The following KAZN variants were observed in gnomAD, a reference collection of about 807,000 sequenced individuals.
KAZN encodes the protein kazrin.
In KAZN, 40 loss-of-function variants were observed where a neutral mutation model predicts 87.4. The ratio of observed to expected loss-of-function variants is 0.46; its 90% CI spans 0.36 to 0.60. The LOEUF is 0.60. Among genes scored for constraint, KAZN ranks in the 20% least tolerant of loss-of-function variants. The probability of loss-of-function intolerance (pLI) is 0.00; values close to 1 mark genes in which losing one functional copy is unlikely to be tolerated. For missense variants in KAZN, 898 were observed against 1,073.9 expected (o/e 0.84, Z 2.29); for synonymous variants, 466 against 458.3 (o/e 1.02, Z -0.22).
Position 14,168,982 on chromosome 1 carries a change from G to A in KAZN, c.92-11453G>A, listed in dbSNP as rs548104754. On this transcript the variant is annotated intron_variant, in intron 1 of 16. Coordinates refer to the KAZN transcript ENST00000636203. The stretch of plus-strand genomic sequence containing the variant: ...CATCACCTCCCTCTGAGCAAGGCAT[G>A]GAAAATATTAACCTAAGTAAATAGC... 3.3e-5 allele frequency among the ~76,000 whole-genome samples: 5 copies of A among 152,258 alleles called. No individual in the cohort carries two copies. In the South Asian group the frequency reaches 6.2e-4, roughly 19 times the overall value.
chr1:14,076,419 G>A (rs1643464318), intron 1 of KAZN, among the ~76,000 whole-genome samples: 1 of 152,174 alleles, frequency 6.6e-6, no homozygotes, highest in Non-Finnish European at 1.5e-5. Context: ...CCAGAAGCTG[G>A]GGGAGAGGCA....
rs762423381 is a variant in KAZN at position 15,101,779 on chromosome 1, G to A, written c.1779+5G>A. The A allele has an allele frequency of 5.8e-6, 9 of 1,563,762 alleles. No individual in the cohort carries two copies. Among genetic ancestry groups the A allele is most frequent in the Non-Finnish European group, 7.8e-6 (9 of 1,153,236 alleles). ...CAAGTGAACTTCAGCAGGGAGGTGA[G>A]GACCAGGGCACAGGGTGGGGGCACC... On this transcript the variant is annotated splice_donor_5th_base_variant and intron_variant, in intron 11 of 14. Transcript: ENST00000376030.
At chr1:14,013,733 G>T (rs10927994) in intron 1 of KAZN, among the ~76,000 whole-genome samples, 75,042 of 152,008 alleles carry the variant, frequency 0.49, 19,126 homozygotes, top group Admixed American at 0.62. Context: ...TGGTTTAAAT[G>T]GAAGCATTCC....
At chr1:13,931,493 T>C (rs1640511828) in intron 1 of KAZN, among the ~76,000 whole-genome samples, 1 of 152,062 alleles carries the variant, frequency 6.6e-6, no homozygotes, top group Non-Finnish European at 1.5e-5. Context: ...CATGCATGTG[T>C]GTGTGCATAG....
chr1:14,809,402 G>A (rs544193796), intron 1 of KAZN, among the ~76,000 whole-genome samples: 11 of 152,292 alleles, frequency 7.2e-5, no homozygotes, highest in East Asian at 5.8e-4. Flanking sequence ...CTCCCTCACC[G>A]TCAGGCTGCC....
intron 2 of KAZN, among the ~76,000 whole-genome samples, chr1:14,290,301 CT>C (rs892265687): frequency 6.6e-6 from 1 of 152,204 alleles, no homozygotes; most frequent in African/African-American, 2.4e-5. Flanking sequence ...CTCCCCGTCA[CT>C]TTTAGGTACA....
chr1:13,951,302 C>G (rs1484959454), intron 1 of KAZN, among the ~76,000 whole-genome samples: 2 of 152,058 alleles, frequency 1.3e-5, no homozygotes, highest in Non-Finnish European at 2.9e-5. Flanking sequence ...CTGGATCTAC[C>G]ACTTCACAGC....
chr1:13,993,331 C>G lies in KAZN; in HGVS notation c.91+99575C>G, dbSNP rs74740702. Reference sequence around the variant, plus strand: ...AGTCCTAGGCTGATTGATACATATACAGTCAGTTAAAGGAGTTTACCAGGT... The same window carrying G: ...AGTCCTAGGCTGATTGATACATATAGAGTCAGTTAAAGGAGTTTACCAGGT... On this transcript the variant is annotated intron_variant, in intron 1 of 16. Transcript: ENST00000636203. Among the ~76,000 whole-genome samples the G allele has an allele frequency of 3.8e-3, 581 of 152,108 alleles. 3 individuals carry two copies. Among genetic ancestry groups the G allele is most frequent in the African/African-American group, 0.014 (562 of 41,480 alleles).
At chr1:14,104,097 T>C (rs1644318326) in intron 1 of KAZN, among the ~76,000 whole-genome samples, 1 of 152,092 alleles carries the variant, frequency 6.6e-6, no homozygotes, top group Non-Finnish European at 1.5e-5. Context: ...GAAGGTGGGT[T>C]CTCCTTGTCT....
At chr1:14,408,624 C>A (rs1664059376) in intron 2 of KAZN, among the ~76,000 whole-genome samples, 1 of 152,152 alleles carries the variant, frequency 6.6e-6, no homozygotes, top group Non-Finnish European at 1.5e-5. Context: ...TCTGGCTAAC[C>A]TTCTTATAAG....
chr1:14,528,050 T>C (rs935375702), intron 2 of KAZN, among the ~76,000 whole-genome samples: 2 of 150,126 alleles, frequency 1.3e-5, no homozygotes, highest in East Asian at 2.0e-4. Context: ...TATCTATCTA[T>C]GTACCTACCT....
chr1:15,087,285 A>AGTT (rs1234914936), intron 8 of KAZN, among the ~76,000 whole-genome samples: 1 of 152,220 alleles, frequency 6.6e-6, no homozygotes, highest in African/African-American at 2.4e-5. Context: ...TGGTATACCC[A>AGTT]AAATATGATC....
At chr1:14,087,519 T>C (rs1643883042) in intron 1 of KAZN, among the ~76,000 whole-genome samples, 1 of 152,166 alleles carries the variant, frequency 6.6e-6, no homozygotes, top group African/African-American at 2.4e-5. Flanking sequence ...GCAGTGAACA[T>C]CTTCACCTTG....
chr1:14,952,240 C>T (rs1662573421), intron 1 of KAZN, among the ~76,000 whole-genome samples: 1 of 143,916 alleles, frequency 6.9e-6, no homozygotes, highest in Non-Finnish European at 1.5e-5. Context: ...TTCTTTCCCA[C>T]TGTGTGTGTG....
rs555500962 is a variant in KAZN at position 14,949,973 on chromosome 1, G to A, written c.227-10711G>A. On this transcript the variant is annotated intron_variant, in intron 1 of 14. Coordinates refer to ENST00000376030, the MANE Select transcript of KAZN (RefSeq NM_201628.3). The surrounding 1 kb of genome is among the most constrained non-coding windows in gnomAD (Gnocchi z 4.3). Reference sequence around the variant, plus strand: ...GTGTTTACAGGCCAGCGGCTTCACCGGAAGAGCCTCTGCACGGAAGACGGT... The same window carrying A: ...GTGTTTACAGGCCAGCGGCTTCACCAGAAGAGCCTCTGCACGGAAGACGGT... Among the ~76,000 whole-genome samples, 5 of 152,168 alleles carry A rather than the reference G, an allele frequency of 3.3e-5. No individual in the cohort carries two copies. The East Asian group carries it at 7.8e-4, about 24-fold the overall frequency.
chr1:14,303,913 C>T (rs1209159270), intron 2 of KAZN, among the ~76,000 whole-genome samples: 1 of 152,164 alleles, frequency 6.6e-6, no homozygotes, highest in Non-Finnish European at 1.5e-5. Flanking sequence ...TCATTCTCTC[C>T]AGTGCGTCAT....
At chr1:14,335,189 G>GCAT (rs1158585063) in intron 2 of KAZN, among the ~76,000 whole-genome samples, 1 of 149,354 alleles carries the variant, frequency 6.7e-6, no homozygotes, top group Non-Finnish European at 1.5e-5. Flanking sequence ...AAGGAGGCCG[G>GCAT]CATGTCCTCC....
In KAZN at chr1:14,716,716, T is replaced by C. The variant is rs571084691; in HGVS notation, c.226+117493T>C. 2.6e-5 allele frequency among the ~76,000 whole-genome samples: 4 copies of C among 152,308 alleles called. No individual in the cohort carries two copies. In the South Asian group the frequency reaches 8.3e-4, roughly 32 times the overall value. On this transcript the variant is annotated intron_variant, in intron 1 of 14. Transcript: ENST00000376030. ...AGCCGTCCTTTCCTGTGTTCCCTGC[T>C]GTCCCTAGTTAACCTACATCCTCCC...
chr1:14,048,406 T>G lies in KAZN; in HGVS notation c.92-132029T>G, dbSNP rs1007955650. Reference sequence around the variant, plus strand: ...TCTCTAAAATACTTCTTTTTTTTTTTTTTTCCTTTTTTTCTGAGATAGAGT... The same window carrying G: ...TCTCTAAAATACTTCTTTTTTTTTTGTTTTCCTTTTTTTCTGAGATAGAGT... On this transcript the variant is annotated intron_variant, in intron 1 of 16. Coordinates refer to the KAZN transcript ENST00000636203. 5.3e-5 allele frequency among the ~76,000 whole-genome samples: 8 copies of G among 151,854 alleles called. No individual in the cohort carries two copies. The East Asian group carries it at 5.8e-4, about 11-fold the overall frequency.
Sources: gnomAD v4.1 joint callset for allele counts (sites outside exome capture counted in the v4.1 genomes callset) on GRCh38, gnomAD v4.1.1 for gene constraint, Gnocchi (gnomAD v3.1) non-coding constraint, MANE v1.5 for transcripts, NCBI Gene and HGNC (gene_info 2026-07-23, HGNC 2026-07-21) for gene names.